MTUS1: variants seen among roughly 807,000 people sequenced by gnomAD.
The protein encoded by MTUS1 is microtubule associated scaffold protein 1.
MTUS1 carries 109 observed loss-of-function variants against 120.8 expected under a neutral mutation model. That is an observed-to-expected ratio of 0.90 (90% CI 0.77 to 1.06). The LOEUF (loss-of-function observed/expected upper bound fraction) is 1.06, where lower values mean the gene tolerates loss of function less well. Ranked by LOEUF, MTUS1 falls within the 50% of genes least tolerant of loss-of-function variation. The pLI is 0.00. For missense variants in MTUS1, 2,210 were observed against 1,486.3 expected (o/e 1.49, Z -8.01); for synonymous variants, 737 against 550.5 (o/e 1.34, Z -4.74).
chr8:17,727,149 A>T (rs374785224), intron 3 of MTUS1, among the ~76,000 whole-genome samples: 2 of 152,152 alleles, frequency 1.3e-5, no homozygotes, highest in African/African-American at 4.8e-5. Flanking sequence ...AGTCTTCCCA[A>T]TTCCACCATG....
At chr8:17,745,332 T>C (rs576509525) in intron 2 of MTUS1, among the ~76,000 whole-genome samples, 35 of 152,352 alleles carry the variant, frequency 2.3e-4, no homozygotes, top group Non-Finnish European at 4.1e-4. Context: ...CATCCTCCCA[T>C]ATACTGTAAA....
At chr8:17,694,852 C>A (rs1362301280) in intron 6 of MTUS1, among the ~76,000 whole-genome samples, 1 of 152,112 alleles carries the variant, frequency 6.6e-6, no homozygotes, top group African/African-American at 2.4e-5. Context: ...GTTTTCAAAT[C>A]TTCAGCCAGA....
At chr8:17,725,614 C>T (rs2046176103) in intron 3 of MTUS1, among the ~76,000 whole-genome samples, 2 of 152,216 alleles carry the variant, frequency 1.3e-5, no homozygotes, top group East Asian at 3.9e-4. Context: ...TCCTTCCATC[C>T]CTTCCAACTC....
intron 2 of MTUS1, 47 bp from the exon 3 acceptor site, chr8:17,743,846 GC>G (rs755312861): frequency 2.6e-6 from 4 of 1,542,632 alleles, no homozygotes; most frequent in Middle Eastern, 2.2e-4. Flanking sequence ...AAAATTCTAA[GC>G]CCCCCAACTG....
At position 17,753,610 on chromosome 8, in the gene MTUS1, C is replaced by G. The variant is rs190120494; in HGVS notation, c.2091+107G>C. The G allele has an allele frequency of 5.5e-6, 4 of 728,342 alleles. No homozygotes were observed. The Admixed American group carries it at 9.7e-5, about 18-fold the overall frequency. The allele number at this position is 728,342 out of a possible 1,614,324, so 45.1% of individuals were successfully genotyped here. A position where few individuals can be genotyped will look rare whatever the true frequency, so the allele number is the denominator to read the frequency against. On this transcript the variant is annotated intron_variant, in intron 2 of 14. Coordinates refer to ENST00000693296, the MANE Select transcript of MTUS1 (RefSeq NM_001363059.2). ...ATTAACAACTAAATGTAAATCTGCC[C>G]ACCTGGTTCTGCAATATTATTGACT...
chr8:17,729,413 G>A (rs2046413541), intron 3 of MTUS1, among the ~76,000 whole-genome samples: 1 of 152,034 alleles, frequency 6.6e-6, no homozygotes, highest in Admixed American at 6.6e-5. Context: ...AACCTGATGG[G>A]CTTCTTACCA....
intron 7 of MTUS1, among the ~76,000 whole-genome samples, chr8:17,677,271 T>A (rs1350951403): frequency 6.6e-6 from 1 of 152,196 alleles, no homozygotes; most frequent in Non-Finnish European, 1.5e-5. Context: ...AGCCTGAATT[T>A]TGTTTAGTAA....
chr8:17,729,664 G>C (rs1406488033), intron 3 of MTUS1, among the ~76,000 whole-genome samples: 2 of 152,158 alleles, frequency 1.3e-5, no homozygotes, highest in Non-Finnish European at 2.9e-5. Flanking sequence ...CTTATTAAAT[G>C]CTATTGCAAT....
intron 8 of MTUS1, among the ~76,000 whole-genome samples, chr8:17,659,411 T>A (rs1307661396): frequency 1.3e-5 from 2 of 152,160 alleles, no homozygotes; most frequent in Non-Finnish European, 2.9e-5. Flanking sequence ...AAAACTGTGA[T>A]GAGGGCTGGG....
chr8:17,666,555 C>T (rs1333892356), intron 8 of MTUS1, among the ~76,000 whole-genome samples: 1 of 152,148 alleles, frequency 6.6e-6, no homozygotes, highest in Admixed American at 6.5e-5. Context: ...TCCTGGGGCA[C>T]CTACATGAGA....
intron 7 of MTUS1, among the ~76,000 whole-genome samples, chr8:17,681,126 G>A (rs1246508060): frequency 6.6e-6 from 1 of 151,994 alleles, no homozygotes; most frequent in African/African-American, 2.4e-5. Flanking sequence ...GGGAGATGGG[G>A]TTTTACCATA....
chr8:17,684,375 T>A lies in MTUS1; in HGVS notation c.2791A>T (p.Thr931Ser). ...ACAACTGTCAATGCCTCAAACTTGG[T>A]ATTACCACAGGCAAGAAGCTGCTTG... ...QLKQLLACGN[T>S]KFEALTVVIQ... The change falls in exon 7 of 15, where the codon ACC (threonine) becomes TCC (serine). Residue 931 changes from threonine (T) to serine (S), a missense_variant. Transcript: ENST00000693296. 3 of 1,614,176 alleles carry A rather than the reference T, an allele frequency of 1.9e-6. No individual in the cohort carries two copies. The highest frequency in any genetic ancestry group is 1.7e-6 in the Non-Finnish European group (2 of 1,180,026).
intron 8 of MTUS1, among the ~76,000 whole-genome samples, chr8:17,656,541 C>CA (rs1157115513): frequency 6.6e-5 from 5 of 76,130 alleles, no homozygotes; most frequent in Non-Finnish European, 1.4e-4. Flanking sequence ...AACAAACAAA[C>CA]AAAACCCCCC....
At chr8:17,746,711 T>C (rs1348449980) in intron 2 of MTUS1, among the ~76,000 whole-genome samples, 2 of 152,210 alleles carry the variant, frequency 1.3e-5, no homozygotes, top group Non-Finnish European at 2.9e-5. Context: ...AGCCAAACCA[T>C]ATGACTCTAC....
chr8:17,780,305 A>G (rs2050774532), intron 1 of MTUS1, among the ~76,000 whole-genome samples: 1 of 152,200 alleles, frequency 6.6e-6, no homozygotes, highest in South Asian at 2.1e-4. Context: ...CGGCCTCATC[A>G]GAAGCACATG....
In MTUS1 at chr8:17,754,036, G is replaced by A. The variant is rs1242278375; in HGVS notation, c.1772C>T (p.Thr591Ile). The change falls in exon 2 of 15, where the codon ACA (threonine) becomes ATA (isoleucine). Residue 591 changes from threonine (T) to isoleucine (I), a missense_variant. Transcript: ENST00000693296. ...KLITSQAVHVTTHSKNASHRV... is the reference protein window; with the variant it reads ...KLITSQAVHVITHSKNASHRV... Reference sequence around the variant, plus strand: ...GTGTGAAGCATTTTTAGAATGAGTTGTAACATGCACAGCCTGGCTAGTAAT... The same window carrying A: ...GTGTGAAGCATTTTTAGAATGAGTTATAACATGCACAGCCTGGCTAGTAAT... The A allele has an allele frequency of 1.9e-6, 3 of 1,614,032 alleles. No individual in the cohort carries two copies. Among genetic ancestry groups the A allele is most frequent in the African/African-American group, 2.7e-5 (2 of 74,904 alleles).
At chr8:17,764,847 G>A (rs1422656631) in intron 1 of MTUS1, among the ~76,000 whole-genome samples, 1 of 152,204 alleles carries the variant, frequency 6.6e-6, no homozygotes, top group Non-Finnish European at 1.5e-5. Context: ...TTTGGCACCA[G>A]GGACTGGTTT....
intron 3 of MTUS1, among the ~76,000 whole-genome samples, chr8:17,729,324 A>C (rs1454510004): frequency 6.6e-6 from 1 of 152,222 alleles, no homozygotes; most frequent in African/African-American, 2.4e-5. Context: ...TAAGGGACCA[A>C]ATTCTCTCAC....
chr8:17,738,780 T>G (rs569049526), intron 3 of MTUS1, among the ~76,000 whole-genome samples: 1 of 152,038 alleles, frequency 6.6e-6, no homozygotes, highest in Non-Finnish European at 1.5e-5. Context: ...AACCAAGGCC[T>G]GAAAAGAAAA....
Sources: allele counts gnomAD v4.1 joint callset (sites outside exome capture counted in the v4.1 genomes callset), GRCh38; gene constraint gnomAD v4.1.1; transcripts MANE v1.5; gene names NCBI Gene and HGNC (gene_info 2026-07-23, HGNC 2026-07-21).